CREB5: variants seen among roughly 807,000 people sequenced by gnomAD.
CREB5 encodes the protein cAMP responsive element binding protein 5, also known as cyclic AMP-responsive element-binding protein 5.
A neutral mutation model predicts 57.1 loss-of-function variants in CREB5; 19 were observed. The observed-to-expected ratio is 0.33, with a 90% CI of 0.23 to 0.49. CREB5 has a LOEUF of 0.49. Among genes scored for constraint, CREB5 ranks in the 20% least tolerant of loss-of-function variants. CREB5 has a pLI of 0.99. For synonymous variants in CREB5, 238 were observed against 238.3 expected (o/e 1.00, Z 0.01); for missense variants, 579 against 671.6 (o/e 0.86, Z 1.52).
intron 4 of CREB5, among the ~76,000 whole-genome samples, chr7:28,550,087 C>A (rs1051221597): frequency 6.6e-6 from 1 of 151,942 alleles, no homozygotes; most frequent in African/African-American, 2.4e-5. Context: ...GATTTTGCTG[C>A]TTCTCCTTCC....
At chr7:28,621,328 T>C (rs1461307113) in intron 5 of CREB5, among the ~76,000 whole-genome samples, 2 of 152,180 alleles carry the variant, frequency 1.3e-5, no homozygotes, top group Non-Finnish European at 2.9e-5. Flanking sequence ...ATGATAGTTA[T>C]GAACAAGGGA....
intron 5 of CREB5, among the ~76,000 whole-genome samples, chr7:28,591,684 C>G (rs982331686): frequency 6.6e-6 from 1 of 152,102 alleles, no homozygotes; most frequent in Non-Finnish European, 1.5e-5. Context: ...AAAAAAGGGA[C>G]AATCTGAGCC....
chr7:28,448,141 G>T (rs1789583163), intron 1 of CREB5, among the ~76,000 whole-genome samples: 2 of 152,126 alleles, frequency 1.3e-5, no homozygotes, highest in Admixed American at 6.5e-5. Flanking sequence ...AGGAGAGACT[G>T]GCCTAGCCTC....
chr7:28,476,152 C>T (rs953677112), intron 1 of CREB5, among the ~76,000 whole-genome samples: 3 of 152,168 alleles, frequency 2.0e-5, no homozygotes, highest in Non-Finnish European at 2.9e-5. Context: ...CTCCGAGGTC[C>T]TTCTCGGGAT....
intron 1 of CREB5, among the ~76,000 whole-genome samples, chr7:28,343,019 C>T (rs576846900): frequency 3.2e-4 from 48 of 152,166 alleles, no homozygotes; most frequent in South Asian, 1.0e-3. Flanking sequence ...GGGCTCACTG[C>T]AAGCTCCGCC....
In CREB5 at chr7:28,329,467, A is replaced by C. The variant is rs186129745; in HGVS notation, c.-25+30026A>C. Among the ~76,000 whole-genome samples, 3 of 152,366 alleles carry C rather than the reference A, an allele frequency of 2.0e-5. 1 individual carries two copies. In the East Asian group the frequency reaches 5.8e-4, roughly 29 times the overall value. Reference sequence around the variant, plus strand: ...AGCCTCTCAGGCTGGCTCAGTGCCCAAGGTTCTTGCATTTGGAAAACAAAT... The same window carrying C: ...AGCCTCTCAGGCTGGCTCAGTGCCCCAGGTTCTTGCATTTGGAAAACAAAT... On this transcript the variant is annotated intron_variant, in intron 1 of 9. Transcript: ENST00000396299.
At chr7:28,561,013 T>TGC (rs1562798550) in intron 4 of CREB5, among the ~76,000 whole-genome samples, 1,514 of 40,470 alleles carry the variant, frequency 0.037, 261 homozygotes, top group African/African-American at 0.12. Context: ...TGCGTGTGTG[T>TGC]GTGCGTGTGT....
intron 1 of CREB5, among the ~76,000 whole-genome samples, chr7:28,432,364 A>G (rs1371333786): frequency 2.6e-5 from 4 of 152,064 alleles, no homozygotes; most frequent in Non-Finnish European, 5.9e-5. Context: ...AGCAGCAATC[A>G]TTTTTCGGTT....
intron 1 of CREB5, among the ~76,000 whole-genome samples, chr7:28,446,183 T>C (rs1374091380): frequency 6.6e-6 from 1 of 152,070 alleles, no homozygotes; most frequent in Non-Finnish European, 1.5e-5. Context: ...TTTTGGTTGG[T>C]CTGTTTGTTT....
chr7:28,307,387 A>G (rs1785209278), intron 1 of CREB5, among the ~76,000 whole-genome samples: 1 of 152,220 alleles, frequency 6.6e-6, no homozygotes, highest in Non-Finnish European at 1.5e-5. Flanking sequence ...GTGAGGACCC[A>G]GTGTTCATCC....
intron 7 of CREB5, among the ~76,000 whole-genome samples, chr7:28,730,087 C>T (rs1458343873): frequency 6.6e-6 from 1 of 152,194 alleles, no homozygotes; most frequent in Non-Finnish European, 1.5e-5. Context: ...TATTGCCAGC[C>T]TGAATCAAGC....
intron 7 of CREB5, among the ~76,000 whole-genome samples, chr7:28,761,454 G>A (rs1805646324): frequency 6.6e-6 from 1 of 152,194 alleles, no homozygotes; most frequent in South Asian, 2.1e-4. Context: ...TCATTCCTGA[G>A]ATGGGTCTCA....
chr7:28,689,698 G>A (rs915372347), intron 5 of CREB5, among the ~76,000 whole-genome samples: 21 of 152,060 alleles, frequency 1.4e-4, no homozygotes, highest in Non-Finnish European at 2.8e-4. Flanking sequence ...AAAAACTCAA[G>A]TTTATGTTAA....
intron 4 of CREB5, among the ~76,000 whole-genome samples, chr7:28,554,020 T>C (rs1474466796): frequency 6.6e-6 from 1 of 152,192 alleles, no homozygotes. Flanking sequence ...CTGCCTCCTT[T>C]GAGTGGACCC....
chr7:28,661,015 A>AC (rs1378691979), intron 5 of CREB5, among the ~76,000 whole-genome samples: 1 of 147,444 alleles, frequency 6.8e-6, no homozygotes, highest in East Asian at 2.0e-4. Context: ...ACACTCATTC[A>AC]CCGAGCACTT....
At chr7:28,566,117 G>GGT (rs1379516795) in intron 4 of CREB5, among the ~76,000 whole-genome samples, 2 of 152,106 alleles carry the variant, frequency 1.3e-5, no homozygotes, top group Admixed American at 1.3e-4. Flanking sequence ...CCTAAAATGT[G>GGT]GTGGCCAAAT....
rs1362256369 is a variant in CREB5 at position 28,824,662 on chromosome 7, C to G, written c.*5383C>G. Reference sequence around the variant, plus strand: ...GAAAATGAAAAAGTGAATGTCCATTCAAAATATTTTACTATTTCTTGTGGA... The same window carrying G: ...GAAAATGAAAAAGTGAATGTCCATTGAAAATATTTTACTATTTCTTGTGGA... On this transcript the variant is annotated 3_prime_UTR_variant, in exon 11 of 11. Coordinates refer to ENST00000357727, the MANE Select transcript of CREB5 (RefSeq NM_182898.4). 6.6e-6 allele frequency: 1 copy of G among 152,580 alleles called. No homozygotes were observed. The highest frequency in any genetic ancestry group is 1.9e-4 in the East Asian group (1 of 5,206). 9.5% of individuals were successfully genotyped at this position (152,580 alleles called of 1,614,324 possible).
intron 5 of CREB5, among the ~76,000 whole-genome samples, chr7:28,707,330 TA>T (rs1802164593): frequency 6.6e-6 from 1 of 152,232 alleles, no homozygotes; most frequent in Non-Finnish European, 1.5e-5. Context: ...AAATATTCTC[TA>T]AAGTCATTCT....
At chr7:28,635,339 C>T (rs956914043) in intron 5 of CREB5, among the ~76,000 whole-genome samples, 2 of 152,190 alleles carry the variant, frequency 1.3e-5, no homozygotes, top group African/African-American at 4.8e-5. Flanking sequence ...TCATTTATTC[C>T]ACTCTTTAGC....
Sources: gnomAD v4.1 joint callset for allele counts (sites outside exome capture counted in the v4.1 genomes callset) on GRCh38, gnomAD v4.1.1 for gene constraint, MANE v1.5 for transcripts, NCBI Gene and HGNC (gene_info 2026-07-23, HGNC 2026-07-21) for gene names.